Variants in ARHGEF28 observed in about 807,000 individuals in gnomAD.
ARHGEF28 encodes the protein 190 kDa guanine nucleotide exchange factor.
ARHGEF28 carries 152 observed loss-of-function variants against 206.6 expected under a neutral mutation model. That is an observed-to-expected ratio of 0.74 (90% CI 0.64 to 0.84). ARHGEF28 has a LOEUF of 0.84. Among genes scored for constraint, ARHGEF28 ranks in the 40% least tolerant of loss-of-function variants. ARHGEF28 has a pLI of 0.00. For missense variants in ARHGEF28, 2,028 were observed against 2,073.2 expected (o/e 0.98, Z 0.42); for synonymous variants, 763 against 776.4 (o/e 0.98, Z 0.29).
chr5:73,665,423 G>A (rs1392480359), intron 1 of ARHGEF28, among the ~76,000 whole-genome samples: 1 of 152,146 alleles, frequency 6.6e-6, no homozygotes, highest in Non-Finnish European at 1.5e-5. Flanking sequence ...CTGGGCTCAA[G>A]AGATCCTCCC....
intron 16 of ARHGEF28, among the ~76,000 whole-genome samples, chr5:73,864,258 C>T (rs779576277): frequency 1.3e-5 from 2 of 152,186 alleles, no homozygotes; most frequent in Non-Finnish European, 2.9e-5. Flanking sequence ...TGTTTTATGA[C>T]ATGTGCCCAT....
intron 2 of ARHGEF28, among the ~76,000 whole-genome samples, chr5:73,742,554 G>A (rs1482214041): frequency 1.3e-5 from 2 of 151,692 alleles, no homozygotes; most frequent in Non-Finnish European, 2.9e-5. Flanking sequence ...GCCGGGCGCA[G>A]TGGCTCACGC....
chr5:73,920,185 G>A (rs746433706), intron 35 of ARHGEF28, among the ~76,000 whole-genome samples: 3 of 152,104 alleles, frequency 2.0e-5, no homozygotes, highest in Non-Finnish European at 2.9e-5. Context: ...GAGTGTCTCC[G>A]GCTAGCTAAC....
At chr5:73,746,371 GA>G (rs1418448083) in intron 2 of ARHGEF28, among the ~76,000 whole-genome samples, 4 of 152,008 alleles carry the variant, frequency 2.6e-5, no homozygotes, top group African/African-American at 9.7e-5. Context: ...TAACAATGTA[GA>G]AAAATACTTT....
At chr5:73,863,624 GC>G (rs1384203947) in intron 16 of ARHGEF28, among the ~76,000 whole-genome samples, 1 of 151,014 alleles carries the variant, frequency 6.6e-6, no homozygotes, top group Non-Finnish European at 1.5e-5. Context: ...TTTTACTGAG[GC>G]CCCCGTCTTC....
At chr5:73,630,896 G>A (rs1381826203) in intron 1 of ARHGEF28, among the ~76,000 whole-genome samples, 1 of 152,218 alleles carries the variant, frequency 6.6e-6, no homozygotes, top group Non-Finnish European at 1.5e-5. Context: ...TTAGCATTGT[G>A]CCTGCAATAG....
chr5:73,887,744 C>T, intron 26 of ARHGEF28, 65 bp downstream of exon 26: 1 of 1,290,964 alleles, frequency 7.7e-7, no homozygotes, highest in Non-Finnish European at 1.1e-6. Context: ...TTGAAAAATA[C>T]CTAAAATTCC....
At chr5:73,855,173 C>G (rs925387947) in intron 14 of ARHGEF28, among the ~76,000 whole-genome samples, 1 of 152,072 alleles carries the variant, frequency 6.6e-6, no homozygotes, top group Non-Finnish European at 1.5e-5. Context: ...CAATTATTTT[C>G]TAAAGTGCCT....
chr5:73,883,701 T>C, intron 23 of ARHGEF28, 66 bp from the exon 24 acceptor site: 1 of 1,016,332 alleles, frequency 9.8e-7, no homozygotes, highest in South Asian at 1.9e-5. Context: ...CTTTGTATTG[T>C]TACATTCACA....
At chr5:73,800,559 G>C (rs995898272) in intron 9 of ARHGEF28, among the ~76,000 whole-genome samples, 4 of 152,054 alleles carry the variant, frequency 2.6e-5, no homozygotes, top group Non-Finnish European at 5.9e-5. Context: ...TGGGTGTTGG[G>C]ACTGGGAGGG....
In ARHGEF28 at chr5:73,812,405, T is replaced by G. The variant is rs4703612; in HGVS notation, c.1024+17014T>G. ...ATTGTATGTTTCCAATGTCGTTTAG[T>G]TTATTTGGACATCAGGTGACCTCAC... On this transcript the variant is annotated intron_variant, in intron 9 of 35. Transcript: ENST00000513042. Among the ~76,000 whole-genome samples the G allele has an allele frequency of 2.7e-3, 404 of 152,310 alleles. 14 individuals carry two copies. The East Asian group carries it at 0.07, about 26-fold the overall frequency.
chr5:73,862,185 A>G (rs1296243829), intron 16 of ARHGEF28, among the ~76,000 whole-genome samples: 1 of 152,130 alleles, frequency 6.6e-6, no homozygotes, highest in African/African-American at 2.4e-5. Context: ...TATTATGTTG[A>G]TGTTACATTA....
chr5:73,719,815 T>A (rs1253077301), intron 2 of ARHGEF28, among the ~76,000 whole-genome samples: 1 of 152,270 alleles, frequency 6.6e-6, no homozygotes, highest in Non-Finnish European at 1.5e-5. Flanking sequence ...AGCAGGTGTC[T>A]GTTCCTGGAG....
intron 35 of ARHGEF28, among the ~76,000 whole-genome samples, chr5:73,918,827 T>C (rs1224166639): frequency 6.6e-6 from 1 of 152,184 alleles, no homozygotes; most frequent in Non-Finnish European, 1.5e-5. Flanking sequence ...CAGAGTTTGC[T>C]GTGGTGAACA....
chr5:73,679,050 G>A (rs781199623), intron 1 of ARHGEF28, among the ~76,000 whole-genome samples: 4 of 152,052 alleles, frequency 2.6e-5, no homozygotes, highest in Non-Finnish European at 5.9e-5. Flanking sequence ...CACCGTGCCC[G>A]GTTAATTTCA....
rs146373992 is a variant in ARHGEF28, at chr5:73,802,013, T to G, written c.1024+6622T>G. On this transcript the variant is annotated intron_variant, in intron 9 of 35. Transcript: ENST00000513042. ...CACCCCTAACGTACTAGGTTTTCAG[T>G]AGTTTTGGGAATTAGAGAAATGGAG... 1.8e-3 allele frequency among the ~76,000 whole-genome samples: 268 copies of G among 152,300 alleles called. 8 individuals carry two copies. In the East Asian group the frequency reaches 0.043, roughly 25 times the overall value.
chr5:73,851,844 C>T (rs59197720), intron 13 of ARHGEF28, among the ~76,000 whole-genome samples: 10,820 of 152,124 alleles, frequency 0.071, 419 homozygotes, highest in South Asian at 0.08. Context: ...TGATATTACC[C>T]ATTTCAGGGG....
intron 35 of ARHGEF28, among the ~76,000 whole-genome samples, chr5:73,926,900 AG>A (rs1763845321): frequency 6.6e-6 from 1 of 152,222 alleles, no homozygotes; most frequent in Non-Finnish European, 1.5e-5. Context: ...ATAGGAGCTG[AG>A]GCTGCTGGCC....
At chr5:73,820,435 G>T (rs1175742926) in intron 9 of ARHGEF28, among the ~76,000 whole-genome samples, 1 of 152,106 alleles carries the variant, frequency 6.6e-6, no homozygotes, top group Non-Finnish European at 1.5e-5. Flanking sequence ...AATCTACACT[G>T]CACCTCCTGG....
Sources: allele counts gnomAD v4.1 joint callset (sites outside exome capture counted in the v4.1 genomes callset), GRCh38; gene constraint gnomAD v4.1.1; transcripts MANE v1.5; gene names NCBI Gene and HGNC (gene_info 2026-07-23, HGNC 2026-07-21).